The following LARP1 variants were observed in gnomAD, a reference collection of about 807,000 sequenced individuals.
The protein encoded by LARP1 is La ribonucleoprotein 1, translational regulator.
In LARP1, 36 loss-of-function variants were observed where a neutral mutation model predicts 122.7. The observed-to-expected ratio is 0.29, with a 90% CI of 0.22 to 0.39. The LOEUF is 0.39. Ranked by LOEUF, LARP1 falls within the 10% of genes least tolerant of loss-of-function variation. The probability of loss-of-function intolerance (pLI) is 1.00; values close to 1 mark genes in which losing one functional copy is unlikely to be tolerated. For missense variants in LARP1, 1,040 were observed against 1,403.6 expected (o/e 0.74, Z 4.14); for synonymous variants, 539 against 528.7 (o/e 1.02, Z -0.27).
At chr5:154,747,733 G>A (rs1283071486) in intron 1 of LARP1, among the ~76,000 whole-genome samples, 2 of 151,250 alleles carry the variant, frequency 1.3e-5, no homozygotes, top group South Asian at 2.1e-4. Flanking sequence ...GCATGGTTAC[G>A]CATGCCTGTA....
rs571950946 is a variant in LARP1, at chr5:154,802,700, A to G, written c.2109+301A>G. Among the ~76,000 whole-genome samples, 5 of 152,298 alleles carry G rather than the reference A, an allele frequency of 3.3e-5. No individual in the cohort carries two copies. In the East Asian group the frequency reaches 9.6e-4, roughly 29 times the overall value. On this transcript the variant is annotated intron_variant, in intron 11 of 18. Transcript: ENST00000518297. This position sits in a 1 kb window ranked among gnomAD's most constrained non-coding sequence, Gnocchi z 5.1. ...TTGTGGGGAACAGAAAAAGGGTTAGATTGTTATTTCTAGTCTTAAATATTT... is the reference window on the plus strand; with the variant it reads ...TTGTGGGGAACAGAAAAAGGGTTAGGTTGTTATTTCTAGTCTTAAATATTT...
intron 1 of LARP1, among the ~76,000 whole-genome samples, chr5:154,737,961 T>C (rs1441765334): frequency 2.0e-5 from 3 of 152,108 alleles, no homozygotes; most frequent in East Asian, 3.9e-4. Context: ...TCAGATCTTG[T>C]CTTCATCTCC....
intron 1 of LARP1, among the ~76,000 whole-genome samples, chr5:154,763,032 C>G (rs1278912357): frequency 2.0e-5 from 3 of 150,202 alleles, no homozygotes; most frequent in Non-Finnish European, 4.4e-5. Flanking sequence ...TGTTCTAGCC[C>G]AAGTGATCTG....
At chr5:154,730,494 C>T (rs1232778216) in intron 1 of LARP1, among the ~76,000 whole-genome samples, 3 of 143,192 alleles carry the variant, frequency 2.1e-5, no homozygotes, top group Non-Finnish European at 4.5e-5. Context: ...TTTTTCGAGA[C>T]GTTGTCTTGC....
intron 1 of LARP1, among the ~76,000 whole-genome samples, chr5:154,693,168 C>T (rs1004972192): frequency 6.6e-6 from 1 of 151,594 alleles, no homozygotes; most frequent in African/African-American, 2.4e-5. Flanking sequence ...GACGGGGTCT[C>T]ACTCTGTTGC....
intron 1 of LARP1, among the ~76,000 whole-genome samples, chr5:154,777,138 G>A (rs1388603775): frequency 2.0e-5 from 3 of 152,202 alleles, no homozygotes; most frequent in Non-Finnish European, 4.4e-5. Flanking sequence ...AACCTGTGTA[G>A]CATGTTCCTA....
chr5:154,695,416 T>C (rs908143257), intron 1 of LARP1, among the ~76,000 whole-genome samples: 1 of 152,048 alleles, frequency 6.6e-6, no homozygotes, highest in Non-Finnish European at 1.5e-5. Flanking sequence ...CCCAGTACTT[T>C]GGGAGGCCGA....
At chr5:154,741,617 T>C (rs570726740) in intron 1 of LARP1, among the ~76,000 whole-genome samples, 3 of 152,212 alleles carry the variant, frequency 2.0e-5, no homozygotes, top group South Asian at 2.1e-4. Context: ...GGGAACACCA[T>C]GCCCTAGGGG....
At chr5:154,804,496 A>G (rs998802568) in intron 14 of LARP1, among the ~76,000 whole-genome samples, 189 bp downstream of exon 14, 10 of 152,152 alleles carry the variant, frequency 6.6e-5, no homozygotes, top group Admixed American at 3.9e-4. Context: ...TTTTTCCTAA[A>G]GAAGTGGTGT....
intron 1 of LARP1, among the ~76,000 whole-genome samples, chr5:154,777,180 G>C (rs187565542): frequency 2.0e-3 from 309 of 152,236 alleles, no homozygotes; most frequent in Non-Finnish European, 3.3e-3. Flanking sequence ...TAATACAATG[G>C]TAAGTATTTG....
intron 1 of LARP1, among the ~76,000 whole-genome samples, chr5:154,689,618 TA>T (rs61699481): frequency 0.1 from 13,171 of 131,800 alleles, 971 homozygotes; most frequent in African/African-American, 0.21. Context: ...TGACTCCGTT[TA>T]AAAAAAAAAA....
chr5:154,765,352 C>A (rs1754849245), intron 1 of LARP1, among the ~76,000 whole-genome samples: 1 of 152,160 alleles, frequency 6.6e-6, no homozygotes, highest in South Asian at 2.1e-4. Context: ...CTCTCTCCAT[C>A]CCTCTTACCC....
intron 1 of LARP1, among the ~76,000 whole-genome samples, chr5:154,737,145 A>AT (rs1174703894): frequency 5.9e-5 from 9 of 151,648 alleles, no homozygotes; most frequent in Non-Finnish European, 1.2e-4. Flanking sequence ...GGTTCAAGTG[A>AT]TTTTCCTCCC....
At chr5:154,783,037 G>A (rs1756584087) in intron 1 of LARP1, among the ~76,000 whole-genome samples, 1 of 152,090 alleles carries the variant, frequency 6.6e-6, no homozygotes, top group African/African-American at 2.4e-5. Context: ...GGAGGGACAG[G>A]CACAGGTGGG....
intron 1 of LARP1, among the ~76,000 whole-genome samples, chr5:154,771,406 C>CGGATG (rs1265167025): frequency 1.1e-4 from 16 of 152,180 alleles, no homozygotes; most frequent in African/African-American, 3.9e-4. Context: ...CCTCATTTTA[C>CGGATG]GGATGACAAA....
chr5:154,727,454 T>A (rs1756291155), intron 1 of LARP1, among the ~76,000 whole-genome samples: 1 of 152,046 alleles, frequency 6.6e-6, no homozygotes, highest in South Asian at 2.1e-4. Context: ...CCATTAGAAC[T>A]AGAGAGTAGA....
chr5:154,746,627 C>T (rs991171318), intron 1 of LARP1, among the ~76,000 whole-genome samples: 2 of 152,210 alleles, frequency 1.3e-5, no homozygotes, highest in Non-Finnish European at 2.9e-5. Flanking sequence ...CTCAGTTCTT[C>T]AGCTGCCAAC....
chr5:154,742,151 T>C (rs1402588662), intron 1 of LARP1, among the ~76,000 whole-genome samples: 1 of 152,208 alleles, frequency 6.6e-6, no homozygotes, highest in Non-Finnish European at 1.5e-5. Flanking sequence ...TTCACTCCTG[T>C]GATCATCCTT....
intron 1 of LARP1, among the ~76,000 whole-genome samples, chr5:154,686,368 G>A (rs1305131359): frequency 1.3e-5 from 2 of 152,188 alleles, no homozygotes; most frequent in East Asian, 1.9e-4. Flanking sequence ...TTAGATGGGT[G>A]GGGGAGTGTT....
Sources: allele counts gnomAD v4.1 joint callset (sites outside exome capture counted in the v4.1 genomes callset), GRCh38; gene constraint gnomAD v4.1.1; non-coding constraint Gnocchi (gnomAD v3.1); transcripts MANE v1.5; gene names NCBI Gene and HGNC (gene_info 2026-07-23, HGNC 2026-07-21).